The following SLC5A4 variants were observed in gnomAD, a reference collection of about 807,000 sequenced individuals.
SLC5A4 encodes the protein probable glucose sensor protein SLC5A4.
SLC5A4 carries 55 observed loss-of-function variants against 70.3 expected under a neutral mutation model. The observed-to-expected ratio is 0.78, with a 90% CI of 0.63 to 0.98. SLC5A4 has a LOEUF of 0.98. Among genes scored for constraint, SLC5A4 ranks in the 50% least tolerant of loss-of-function variants. The pLI is 0.00. For synonymous variants in SLC5A4, 268 were observed against 305.7 expected, an observed-to-expected ratio of 0.88 and a Z score of 1.29; for missense variants, 735 against 839.2, an observed-to-expected ratio of 0.88 and a Z score of 1.53.
chr22:32,303,614 C>T, the SLC5A4 span, among the ~76,000 whole-genome samples: 2 of 151,946 alleles, frequency 1.3e-5, no homozygotes, highest in South Asian at 4.2e-4. Context: ...CTGTTTCCTC[C>T]ATGTCTTTTA....
At chr22:32,301,010 T>C in the SLC5A4 span, among the ~76,000 whole-genome samples, 2 of 152,214 alleles carry the variant, frequency 1.3e-5, no homozygotes, top group African/African-American at 4.8e-5. Context: ...TCGCCCAGGC[T>C]GGAGTGCAGT....
chr22:32,258,140 C>T (rs1046975117), upstream of SLC5A4, among the ~76,000 whole-genome samples: 2 of 152,052 alleles, frequency 1.3e-5, no homozygotes, highest in Non-Finnish European at 2.9e-5. Context: ...AGGCATGCAC[C>T]ACCATTTCCA....
At chr22:32,236,046 CTT>C (rs1926040224) in intron 7 of SLC5A4, among the ~76,000 whole-genome samples, 1 of 152,136 alleles carries the variant, frequency 6.6e-6, no homozygotes, top group Non-Finnish European at 1.5e-5. Flanking sequence ...AGAATTGAGG[CTT>C]AGAGACCCTA....
At chr22:32,235,175 G>A (rs538257281) in intron 7 of SLC5A4, 82 bp from the exon 8 acceptor site, 236 of 1,009,006 alleles carry the variant, frequency 2.3e-4, no homozygotes, top group Non-Finnish European at 3.4e-4. Context: ...TTTTGGTGGA[G>A]GTAAACAAGC....
At chr22:32,326,983 C>T in the SLC5A4 span, among the ~76,000 whole-genome samples, 1 of 152,220 alleles carries the variant, frequency 6.6e-6, no homozygotes, top group African/African-American at 2.4e-5. Context: ...GGGCCCCGTG[C>T]TGCTGATAAC....
the SLC5A4 span, among the ~76,000 whole-genome samples, chr22:32,334,152 A>C: frequency 6.6e-6 from 1 of 150,524 alleles, no homozygotes; most frequent in East Asian, 2.0e-4. Context: ...CAACACACAC[A>C]CCCCATGCCA....
At chr22:32,300,768 T>C in the SLC5A4 span, among the ~76,000 whole-genome samples, 1 of 152,242 alleles carries the variant, frequency 6.6e-6, no homozygotes, top group African/African-American at 2.4e-5. Context: ...TTCCATGTTA[T>C]GAATGTACTA....
the SLC5A4 span, among the ~76,000 whole-genome samples, chr22:32,315,126 G>A: frequency 6.6e-6 from 1 of 152,288 alleles, no homozygotes; most frequent in Admixed American, 6.5e-5. Flanking sequence ...AAAAGGATGA[G>A]CAGAAGCATA....
chr22:32,275,341 A>G, the SLC5A4 span, among the ~76,000 whole-genome samples: 5 of 152,316 alleles, frequency 3.3e-5, no homozygotes, highest in East Asian at 9.7e-4. Flanking sequence ...GTCATTTAGC[A>G]TTAGGTATAT....
chr22:32,284,672 T>C, the SLC5A4 span: 1 of 152,346 alleles, frequency 6.6e-6, no homozygotes, highest in South Asian at 2.1e-4. Flanking sequence ...TTGATCACAA[T>C]GATGACAGGG....
the SLC5A4 span, among the ~76,000 whole-genome samples, chr22:32,309,763 C>T: frequency 6.6e-6 from 1 of 152,142 alleles, no homozygotes; most frequent in African/African-American, 2.4e-5. Context: ...GGCACCCCAC[C>T]TCACACATTT....
At chr22:32,330,139 G>A in the SLC5A4 span, among the ~76,000 whole-genome samples, 1 of 133,944 alleles carries the variant, frequency 7.5e-6, no homozygotes, top group Non-Finnish European at 1.6e-5. Context: ...GTGTCAGGGG[G>A]GCTCTGTGCG....
chr22:32,336,159 G>GT, the SLC5A4 span, among the ~76,000 whole-genome samples: 22,019 of 152,040 alleles, frequency 0.14, 2,245 homozygotes, highest in African/African-American at 0.29. Context: ...AACTAAATTG[G>GT]TTTTTGGGAA....
the SLC5A4 span, among the ~76,000 whole-genome samples, chr22:32,265,151 G>A: frequency 7.9e-5 from 12 of 152,186 alleles, no homozygotes; most frequent in Non-Finnish European, 1.3e-4. Flanking sequence ...TGTTATCCCA[G>A]CACTTTGGAA....
upstream of SLC5A4, among the ~76,000 whole-genome samples, chr22:32,258,113 C>T (rs1927580580): frequency 6.6e-6 from 1 of 152,076 alleles, no homozygotes; most frequent in Non-Finnish European, 1.5e-5. Context: ...CTCAGCCTCC[C>T]GAGTTGCTGG....
chr22:32,294,252 C>T, the SLC5A4 span, among the ~76,000 whole-genome samples: 1 of 152,180 alleles, frequency 6.6e-6, no homozygotes, highest in East Asian at 1.9e-4. Flanking sequence ...TCCTTTTATC[C>T]CCTGCTCTTC....
chr22:32,285,298 G>A, the SLC5A4 span, among the ~76,000 whole-genome samples: 1 of 152,128 alleles, frequency 6.6e-6, no homozygotes, highest in Non-Finnish European at 1.5e-5. Context: ...AAGTGTATGT[G>A]CATTTTTAAT....
the SLC5A4 span, among the ~76,000 whole-genome samples, chr22:32,280,126 G>A: frequency 6.6e-6 from 1 of 152,034 alleles, no homozygotes; most frequent in Non-Finnish European, 1.5e-5. Flanking sequence ...AGTAATTCTC[G>A]TGCCTCAGCC....
chr22:32,259,821 G>T (rs545176279), upstream of SLC5A4, among the ~76,000 whole-genome samples: 33 of 152,322 alleles, frequency 2.2e-4, 1 homozygote, highest in South Asian at 6.8e-3. Flanking sequence ...GTCATTTGGT[G>T]AAGGGCTTTT....
Sources: allele counts gnomAD v4.1 joint callset (sites outside exome capture counted in the v4.1 genomes callset), GRCh38; gene constraint gnomAD v4.1.1; transcripts MANE v1.5; gene names NCBI Gene and HGNC (gene_info 2026-07-23, HGNC 2026-07-21).